Variants in SPAG16 observed in about 807,000 individuals in gnomAD.
SPAG16 encodes sperm-associated antigen 16 protein.
In SPAG16, 86 loss-of-function variants were observed where a neutral mutation model predicts 80.4. That is an observed-to-expected ratio of 1.07 (90% CI 0.90 to 1.28). The LOEUF is 1.28. Among genes scored for constraint, SPAG16 ranks in the 50% most tolerant of loss-of-function variants. SPAG16 has a pLI of 0.00. For missense variants in SPAG16, 870 were observed against 765.3 expected (o/e 1.14, Z -1.61); for synonymous variants, 294 against 265.9 (o/e 1.11, Z -1.03).
intron 10 of SPAG16, among the ~76,000 whole-genome samples, chr2:213,678,781 G>A (rs1382689904): frequency 6.6e-6 from 1 of 152,196 alleles, no homozygotes; most frequent in African/African-American, 2.4e-5. Context: ...CAGAAAGGTT[G>A]TACGCAGGCA....
At chr2:214,355,058 C>T (rs1053800095) in intron 15 of SPAG16, among the ~76,000 whole-genome samples, 6 of 151,986 alleles carry the variant, frequency 3.9e-5, no homozygotes, top group African/African-American at 1.4e-4. Flanking sequence ...GACCTAAAAC[C>T]ATAAAAACCC....
intron 15 of SPAG16, among the ~76,000 whole-genome samples, chr2:214,228,466 G>A (rs1164241933): frequency 6.8e-6 from 1 of 147,050 alleles, no homozygotes; most frequent in Non-Finnish European, 1.5e-5. Context: ...AAAGAACATA[G>A]TTAGGAGAGG....
intron 9 of SPAG16, among the ~76,000 whole-genome samples, chr2:213,449,010 T>C (rs2071524318): frequency 6.6e-6 from 1 of 152,144 alleles, no homozygotes; most frequent in African/African-American, 2.4e-5. Flanking sequence ...GTTGTGCAAG[T>C]AGGAGAGATA....
At chr2:213,677,895 G>T (rs1283179195) in intron 10 of SPAG16, among the ~76,000 whole-genome samples, 1 of 151,928 alleles carries the variant, frequency 6.6e-6, no homozygotes, top group African/African-American at 2.4e-5. Flanking sequence ...AAATGTAAAA[G>T]AACAGAAATT....
intron 10 of SPAG16, among the ~76,000 whole-genome samples, chr2:213,688,857 C>T (rs2064809303): frequency 6.6e-6 from 1 of 152,136 alleles, no homozygotes; most frequent in Admixed American, 6.6e-5. Flanking sequence ...ATAATTCTAT[C>T]ACCAGACATT....
intron 5 of SPAG16, among the ~76,000 whole-genome samples, chr2:213,327,157 T>G (rs1204147386): frequency 2.0e-5 from 1 of 50,074 alleles, no homozygotes; most frequent in Non-Finnish European, 4.1e-5. Context: ...AATGTCTGTT[T>G]GCTGTGTTTT....
intron 15 of SPAG16, among the ~76,000 whole-genome samples, chr2:214,396,616 A>G (rs1372178642): frequency 6.6e-6 from 1 of 152,102 alleles, no homozygotes; most frequent in Non-Finnish European, 1.5e-5. Context: ...TTCTTCTTAC[A>G]TGTTCATGTG....
chr2:214,259,436 C>A (rs1690957393), intron 15 of SPAG16, among the ~76,000 whole-genome samples: 1 of 143,580 alleles, frequency 7.0e-6, no homozygotes, highest in African/African-American at 2.5e-5. Flanking sequence ...TGTATATATA[C>A]ACATATAGAA....
At chr2:213,346,005 A>T (rs1324735448) in intron 6 of SPAG16, among the ~76,000 whole-genome samples, 1 of 152,126 alleles carries the variant, frequency 6.6e-6, no homozygotes, top group Non-Finnish European at 1.5e-5. Flanking sequence ...GATTCTTCCT[A>T]CCCATGAGCA....
intron 15 of SPAG16, among the ~76,000 whole-genome samples, chr2:214,409,776 CAT>C (rs1214935541): frequency 2.0e-5 from 3 of 152,236 alleles, no homozygotes; most frequent in South Asian, 2.1e-4. Flanking sequence ...AACTTTCTAA[CAT>C]ATAATTTATT....
At chr2:214,318,471 T>C (rs1350027803) in intron 15 of SPAG16, among the ~76,000 whole-genome samples, 1 of 134,804 alleles carries the variant, frequency 7.4e-6, no homozygotes, top group East Asian at 2.4e-4. Flanking sequence ...AACCTCCGCC[T>C]CCTGGATTCA....
chr2:213,682,653 G>A (rs985729215), intron 10 of SPAG16, among the ~76,000 whole-genome samples: 1 of 152,086 alleles, frequency 6.6e-6, no homozygotes, highest in East Asian at 1.9e-4. Flanking sequence ...CTGGACAGAG[G>A]GTAGGTTATC....
chr2:214,290,896 T>C (rs1693745047), intron 15 of SPAG16, among the ~76,000 whole-genome samples: 1 of 152,198 alleles, frequency 6.6e-6, no homozygotes, highest in Admixed American at 6.5e-5. Context: ...TTAGGTCTAT[T>C]TGGTCAAAAA....
intron 13 of SPAG16, among the ~76,000 whole-genome samples, chr2:214,063,268 A>C (rs778362609): frequency 6.6e-6 from 1 of 152,150 alleles, no homozygotes; most frequent in Non-Finnish European, 1.5e-5. Flanking sequence ...TGCCACCCAT[A>C]CTTTTGCTTC....
intron 15 of SPAG16, among the ~76,000 whole-genome samples, chr2:214,205,903 T>G (rs989363350): frequency 4.6e-5 from 7 of 152,064 alleles, no homozygotes; most frequent in African/African-American, 1.7e-4. Flanking sequence ...TACAACAAAT[T>G]ATTGATAACT....
intron 15 of SPAG16, among the ~76,000 whole-genome samples, chr2:214,389,248 A>G (rs1187153939): frequency 6.6e-6 from 1 of 152,230 alleles, no homozygotes; most frequent in Non-Finnish European, 1.5e-5. Context: ...ACTTATCACA[A>G]AAAGAAATTA....
At chr2:213,383,424 G>A (rs1048319399) in intron 9 of SPAG16, among the ~76,000 whole-genome samples, 1 of 152,054 alleles carries the variant, frequency 6.6e-6, no homozygotes, top group African/African-American at 2.4e-5. Context: ...GTTCTTATGG[G>A]TTGTCTTGGA....
At chr2:213,459,131 A>G (rs996911081) in intron 9 of SPAG16, among the ~76,000 whole-genome samples, 1 of 151,988 alleles carries the variant, frequency 6.6e-6, no homozygotes, top group African/African-American at 2.4e-5. Context: ...TATGCCAGCC[A>G]GTTGCTTTCT....
In SPAG16 at chr2:214,108,181, G is replaced by T. The variant is rs1393322257; in HGVS notation, c.1528-15G>T. ...AAGAAATTTATTTGACTCTGTTTCT[G>T]CTTTGTCTTCCTAGGGTATATGTGA... On this transcript the variant is annotated splice_polypyrimidine_tract_variant and intron_variant, in intron 13 of 15. Coordinates refer to ENST00000331683, the MANE Select transcript of SPAG16 (RefSeq NM_024532.5). 1.3e-6 allele frequency: 2 copies of T among 1,526,852 alleles called. No individual in the cohort carries two copies. The highest frequency in any genetic ancestry group is 1.9e-5 in the Admixed American group (1 of 52,758). The allele number at this position is 1,526,852 out of a possible 1,614,324, so 94.6% of individuals were successfully genotyped here. A position where few individuals can be genotyped will look rare whatever the true frequency, so the allele number is the denominator to read the frequency against.
Sources: gnomAD v4.1 joint callset for allele counts (sites outside exome capture counted in the v4.1 genomes callset) on GRCh38, gnomAD v4.1.1 for gene constraint, MANE v1.5 for transcripts, NCBI Gene and HGNC (gene_info 2026-07-23, HGNC 2026-07-21) for gene names.